Variants in MAP4 observed in about 807,000 individuals in gnomAD.
The protein encoded by MAP4 is microtubule associated protein 4, also known as microtubule-associated protein 4.
MAP4 carries 76 observed loss-of-function variants against 170.2 expected under a neutral mutation model. The ratio of observed to expected loss-of-function variants is 0.45; its 90% CI spans 0.37 to 0.54. The LOEUF (loss-of-function observed/expected upper bound fraction) is 0.54. Among genes scored for constraint, MAP4 ranks in the 20% least tolerant of loss-of-function variants. The pLI is 0.00. For synonymous variants in MAP4, 909 were observed against 994.5 expected, an observed-to-expected ratio of 0.91 and a Z score of 1.62; for missense variants, 2,506 against 2,748.0, an observed-to-expected ratio of 0.91 and a Z score of 1.97.
chr3:47,919,093 G>A (rs1375422491), intron 5 of MAP4, among the ~76,000 whole-genome samples: 4 of 151,608 alleles, frequency 2.6e-5, no homozygotes, highest in Middle Eastern at 3.4e-3. Context: ...CACAGCTCCC[G>A]GCTAATTTTT....
chr3:47,901,961 A>AC (rs1208550550), intron 10 of MAP4, among the ~76,000 whole-genome samples: 1 of 151,860 alleles, frequency 6.6e-6, no homozygotes, highest in Non-Finnish European at 1.5e-5. Context: ...GAAGTTTGAG[A>AC]CTAGCCTGGG....
At chr3:48,054,593 G>T (rs968408348) in intron 1 of MAP4, among the ~76,000 whole-genome samples, 9 of 126,694 alleles carry the variant, frequency 7.1e-5, no homozygotes, top group African/African-American at 2.8e-4. Flanking sequence ...TCATGCCACT[G>T]CACGCCAACC....
chr3:47,946,654 C>CAAAAAAA (rs11427271), intron 3 of MAP4, among the ~76,000 whole-genome samples: 19 of 40,786 alleles, frequency 4.7e-4, no homozygotes, highest in Non-Finnish European at 5.4e-4. Flanking sequence ...AACTCCGTCT[C>CAAAAAAA]AAAAAAAAAA....
At chr3:48,060,761 AT>A (rs1326067025) in intron 1 of MAP4, among the ~76,000 whole-genome samples, 2 of 152,152 alleles carry the variant, frequency 1.3e-5, no homozygotes, top group East Asian at 3.9e-4. Context: ...AAAAAAAAAA[AT>A]AATAATAATA....
At chr3:48,051,976 G>C (rs920686970) in intron 1 of MAP4, among the ~76,000 whole-genome samples, 1 of 152,122 alleles carries the variant, frequency 6.6e-6, no homozygotes, top group African/African-American at 2.4e-5. Context: ...TGAAATTTTG[G>C]ACAAGAAAAT....
chr3:47,853,391 C>A, intron 19 of MAP4, 39 bp from the exon 20 acceptor site: 2 of 1,411,910 alleles, frequency 1.4e-6, no homozygotes, highest in South Asian at 2.5e-5. Flanking sequence ...CAGGGTCAGT[C>A]GAGGGGGGGA....
At chr3:47,964,339 T>C (rs2100073510) in intron 3 of MAP4, among the ~76,000 whole-genome samples, 1 of 152,154 alleles carries the variant, frequency 6.6e-6, no homozygotes, top group African/African-American at 2.4e-5. Flanking sequence ...GTGGAGGTGG[T>C]GAGATGTGGT....
At position 47,882,676 on chromosome 3, in the gene MAP4, T is replaced by C. The variant is rs943029756; in HGVS notation, c.5435-5153A>G. Among the ~76,000 whole-genome samples the C allele has an allele frequency of 6.6e-5, 10 of 151,496 alleles. No individual in the cohort carries two copies. In the East Asian group the frequency reaches 1.8e-3, roughly 27 times the overall value. On this transcript the variant is annotated intron_variant, in intron 10 of 20. Coordinates refer to ENST00000683076, the MANE Select transcript of MAP4 (RefSeq NM_001385682.1). ...GCTGGTCTCAAACTCTGGGCTCAAG[T>C]GATCCTGCCGTCTTCAGCCTCCTGA...
chr3:47,897,570 C>A (rs950214277), intron 10 of MAP4, among the ~76,000 whole-genome samples: 14 of 152,136 alleles, frequency 9.2e-5, no homozygotes, highest in Non-Finnish European at 2.1e-4. Context: ...TTTAGGGGAG[C>A]AAACGCGTGT....
At position 47,855,347 on chromosome 3, in the gene MAP4, G is replaced by T. The variant is rs751898129; in HGVS notation, c.6597C>A (p.Val2199=). ...NIKHKPGGGD[V]KIESQKLNFK... is the part of the protein sequence containing the mutation. ...AGTTCAACTTCTGACTTTCAATCTT[G>T]ACATCTCCTCCACCTGGAACCACAA... The change falls in exon 19 of 21, where the codon GTC becomes GTA. Residue 2199 remains valine, a synonymous_variant. Coordinates refer to ENST00000683076, the MANE Select transcript of MAP4 (RefSeq NM_001385682.1). This position sits in a 1 kb window ranked among gnomAD's most constrained non-coding sequence, Gnocchi z 5.1. 2.5e-6 allele frequency: 4 copies of T among 1,611,038 alleles called. No individual in the cohort carries two copies. The highest frequency in any genetic ancestry group is 1.3e-5 in the African/African-American group (1 of 74,848).
chr3:48,022,096 G>A (rs972357458), intron 1 of MAP4, among the ~76,000 whole-genome samples: 3 of 152,132 alleles, frequency 2.0e-5, no homozygotes, highest in Non-Finnish European at 2.9e-5. Context: ...AAATAGTGGG[G>A]GAATTAACTG....
intron 1 of MAP4, among the ~76,000 whole-genome samples, chr3:48,023,657 A>G (rs1021747152): frequency 3.3e-5 from 5 of 152,228 alleles, no homozygotes; most frequent in Non-Finnish European, 5.9e-5. Context: ...TAGACTGAAC[A>G]TGGTAGACAA....
chr3:47,944,828 G>A (rs1440564229), intron 3 of MAP4, among the ~76,000 whole-genome samples: 3 of 151,144 alleles, frequency 2.0e-5, no homozygotes, highest in Admixed American at 6.6e-5. Context: ...TAATTCTAAC[G>A]AGCTAGTTTT....
intron 10 of MAP4, among the ~76,000 whole-genome samples, chr3:47,884,273 G>C (rs77166632): frequency 1.3e-5 from 2 of 152,136 alleles, no homozygotes; most frequent in Non-Finnish European, 2.9e-5. Context: ...GTCTGCTGCT[G>C]AGCCCATTGA....
At chr3:48,056,904 C>G (rs560569134) in intron 1 of MAP4, among the ~76,000 whole-genome samples, 2 of 140,714 alleles carry the variant, frequency 1.4e-5, no homozygotes, top group Admixed American at 6.8e-5. Context: ...GGCGCCTCTG[C>G]CCGGCCAGCC....
At chr3:47,980,748 G>A (rs1229422015) in intron 2 of MAP4, among the ~76,000 whole-genome samples, 2 of 152,034 alleles carry the variant, frequency 1.3e-5, no homozygotes, top group Non-Finnish European at 2.9e-5. Flanking sequence ...CCCACATTTG[G>A]CATAAGTAAA....
chr3:48,061,843 G>A (rs796574986), intron 1 of MAP4, among the ~76,000 whole-genome samples: 61 of 129,130 alleles, frequency 4.7e-4, no homozygotes, highest in South Asian at 7.6e-4. Context: ...GGAGGTGGGG[G>A]GCAGCCCCCG....
rs2100127232 is a variant in MAP4 at position 48,050,648 on chromosome 3, A to G, written c.-20+38125T>C. Among the ~76,000 whole-genome samples, 6 of 151,890 alleles carry G rather than the reference A, an allele frequency of 4.0e-5. No individual in the cohort carries two copies. In the South Asian group the frequency reaches 1.0e-3, roughly 26 times the overall value. On this transcript the variant is annotated intron_variant, in intron 1 of 18. Transcript: ENST00000360240. ...TAGAGGACGTGCGCGGTGGCCCACA[A>G]CTGTAATCCCAACACTTTGGGAGGC...
Position 47,909,554 on chromosome 3 carries a change from G to A in MAP4, c.4867C>T (p.Pro1623Ser). Residue 1623 changes from proline to serine, a missense_variant, in exon 9 of 21, where the codon CCT (proline) becomes TCT (serine). This residue lies in a region of MAP4 where 2,008 missense variants were observed against 2,206.0 expected (regional missense o/e 0.91). Transcript: ENST00000683076. ...TGTGCTTTGTCTTCCAGTAAGTCAG[G>A]AATCTGAACTGCAACAGACCCTTCT... is the stretch of plus-strand genomic sequence containing the variant. ...TKEGSVAVQI[P>S]DLLEDKAQKL... 3 of 1,612,432 alleles carry A rather than the reference G, an allele frequency of 1.9e-6. No homozygotes were observed. Among genetic ancestry groups the A allele is most frequent in the Non-Finnish European group, 2.5e-6 (3 of 1,179,876 alleles).
Sources: allele counts gnomAD v4.1 joint callset (sites outside exome capture counted in the v4.1 genomes callset), GRCh38; gene constraint gnomAD v4.1.1; regional missense constraint gnomAD v4.1.1; non-coding constraint Gnocchi (gnomAD v3.1); transcripts MANE v1.5; gene names NCBI Gene and HGNC (gene_info 2026-07-23, HGNC 2026-07-21).